SLX4: variants seen among roughly 807,000 people sequenced by gnomAD.
SLX4 encodes SLX4 structure-specific endonuclease subunit, also known as structure-specific endonuclease subunit SLX4.
In SLX4, 112 loss-of-function variants were observed where a neutral mutation model predicts 146.2. The ratio of observed to expected loss-of-function variants is 0.77; its 90% CI spans 0.66 to 0.90. The LOEUF (loss-of-function observed/expected upper bound fraction) is 0.90. SLX4 is among the 40% of genes least tolerant of loss of function. The pLI is 0.00. For synonymous variants in SLX4, 1,061 were observed against 997.7 expected (o/e 1.06, Z -1.20); for missense variants, 2,563 against 2,392.7 (o/e 1.07, Z -1.49).
At chr16:3,591,746 A>C (rs1262854089) in intron 11 of SLX4, among the ~76,000 whole-genome samples, 1 of 152,154 alleles carries the variant, frequency 6.6e-6, no homozygotes, top group Non-Finnish European at 1.5e-5. Context: ...CAACATAGAA[A>C]GTCTCCATCT....
At chr16:3,591,360 T>C (rs769579768) in intron 11 of SLX4, 50 bp from the exon 12 acceptor site, 10 of 1,602,074 alleles carry the variant, frequency 6.2e-6, no homozygotes, top group Non-Finnish European at 8.5e-6. Context: ...GGAGATGGGC[T>C]CTGGGTGCCC....
chr16:3,602,224 A>G lies in SLX4; in HGVS notation c.844T>C (p.Ser282Pro). Reference sequence around the variant, plus strand: ...TCCTCCAGGCTATCATCATGTGCCGATGCTCCTACCCGTGCAAACTCCTGC... The same window carrying G: ...TCCTCCAGGCTATCATCATGTGCCGGTGCTCCTACCCGTGCAAACTCCTGC... ...LQQEFARVGA[S>P]AHDDSLEEKG... The change falls in exon 4 of 15, where the codon TCG (serine) becomes CCG (proline). Residue 282 changes from serine to proline, a missense_variant. By Grantham distance (74) the Ser-to-Pro change is moderately conservative. Coordinates refer to ENST00000294008, the MANE Select transcript of SLX4 (RefSeq NM_032444.4). 6.2e-7 allele frequency: 1 copy of G among 1,614,138 alleles called. No individual in the cohort carries two copies. The highest frequency in any genetic ancestry group is 1.1e-5 in the South Asian group (1 of 91,082).
chr16:3,596,876 G>A (rs947325492), intron 7 of SLX4, among the ~76,000 whole-genome samples: 1 of 150,848 alleles, frequency 6.6e-6, no homozygotes, highest in African/African-American at 2.4e-5. Context: ...AGGCTGGAGT[G>A]TAATGGCACG....
At position 3,601,162 on chromosome 16, in the gene SLX4, C is replaced by G; in HGVS notation, c.980G>C (p.Arg327Thr). Residue 327 changes from arginine (R) to threonine (T), a missense_variant, in exon 5 of 15, where the codon AGA becomes ACA. Physicochemically the swap from Arg to Thr is moderately conservative, Grantham distance 71. Transcript: ENST00000294008. ...RCLDEAEKTL[R>T]PSVPQIPECP... ...CTCAGGGATCTGAGGCACAGAAGGTCTTAGTGTCTTTTCAGCTTCATCCAA... is the reference window on the plus strand; with the variant it reads ...CTCAGGGATCTGAGGCACAGAAGGTGTTAGTGTCTTTTCAGCTTCATCCAA... 6.2e-7 allele frequency: 1 copy of G among 1,614,058 alleles called. No individual in the cohort carries two copies. Among genetic ancestry groups the G allele is most frequent in the Non-Finnish European group, 8.5e-7 (1 of 1,180,030 alleles).
In SLX4 at chr16:3,589,346, T is replaced by C. The variant is rs2151121631; in HGVS notation, c.4292A>G (p.Glu1431Gly). The change falls in exon 12 of 15, where the codon GAG becomes GGG. Residue 1431 changes from glutamate to glycine, a missense_variant. Transcript: ENST00000294008. This position sits in a 1 kb window ranked among gnomAD's most constrained non-coding sequence, Gnocchi z 6.2. ...IPIDDCCWHM[E>G]PLSPIPIDHW... is the part of the protein sequence containing the mutation. ...GTCAATGGGAATTGGCGAGAGGGGC[T>C]CCATGTGCCAGCAGCAGTCGTCAAT... is the stretch of plus-strand genomic sequence containing the variant. 1 of 1,579,280 alleles carries C rather than the reference T, an allele frequency of 6.3e-7. No individual in the cohort carries two copies. Among genetic ancestry groups the C allele is most frequent in the South Asian group, 1.2e-5 (1 of 86,662 alleles).
chr16:3,589,607 G>A lies in SLX4; in HGVS notation c.4031C>T (p.Ser1344Phe). The change falls in exon 12 of 15, where the codon TCC becomes TTC. Residue 1344 changes from serine (S) to phenylalanine (F), a missense_variant. Coordinates refer to ENST00000294008, the MANE Select transcript of SLX4 (RefSeq NM_032444.4). This position sits in a 1 kb window ranked among gnomAD's most constrained non-coding sequence, Gnocchi z 6.2. ...DGRRQGHRSP[S>F]RPHPGGHPHS... is the part of the protein sequence containing the mutation. ...CGGGTGGCCCCCGGGGTGGGGACGG[G>A]AAGGGCTTCTGTGGCCTTGCCTTCT... 6.2e-7 allele frequency: 1 copy of A among 1,613,876 alleles called. No homozygotes were observed. The highest frequency in any genetic ancestry group is 8.5e-7 in the Non-Finnish European group (1 of 1,180,010).
chr16:3,596,007 T>C, intron 8 of SLX4, 146 bp downstream of exon 8: 1 of 1,283,416 alleles, frequency 7.8e-7, no homozygotes, highest in Admixed American at 2.8e-5. Context: ...TGAGAAAAAA[T>C]GAAAGCGCCC....
chr16:3,603,397 G>A (rs2040749328), intron 3 of SLX4, among the ~76,000 whole-genome samples: 1 of 152,232 alleles, frequency 6.6e-6, no homozygotes, highest in Non-Finnish European at 1.5e-5. Flanking sequence ...CACTTGCTGG[G>A]TGTGATGTGA....
In SLX4 at chr16:3,589,408, G is replaced by C. The variant is rs138125792; in HGVS notation, c.4230C>G (p.Asn1410Lys). The change falls in exon 12 of 15, where the codon AAC becomes AAG. Residue 1410 changes from asparagine to lysine, a missense_variant. Transcript: ENST00000294008. This position sits in a 1 kb window ranked among gnomAD's most constrained non-coding sequence, Gnocchi z 6.2. ...DEQEVASHQA[N>K]RSPPLDSDPP... Reference sequence around the variant, plus strand: ...GGTCACTGTCCAGTGGGGGGCTTCTGTTGGCCTGATGGGAGGCCACCTCCT... The same window carrying C: ...GGTCACTGTCCAGTGGGGGGCTTCTCTTGGCCTGATGGGAGGCCACCTCCT... The C allele has an allele frequency of 3.1e-6, 5 of 1,601,604 alleles. No homozygotes were observed. Among genetic ancestry groups the C allele is most frequent in the Non-Finnish European group, 4.3e-6 (5 of 1,171,004 alleles).
chr16:3,593,661 A>C (rs1043410989), intron 10 of SLX4, among the ~76,000 whole-genome samples: 1 of 152,190 alleles, frequency 6.6e-6, no homozygotes, highest in African/African-American at 2.4e-5. Context: ...GACCCCGTTA[A>C]GAGTCCTCCT....
At position 3,601,164 on chromosome 16, in the gene SLX4, T is replaced by TA; in HGVS notation, c.977dup (p.Arg327LysfsTer9). ...CAGGGATCTGAGGCACAGAAGGTCTTAGTGTCTTTTCAGCTTCATCCAAGC... is the reference window on the plus strand; with the variant it reads ...CAGGGATCTGAGGCACAGAAGGTCTTAAGTGTCTTTTCAGCTTCATCCAAGC... On this transcript the variant is annotated frameshift_variant, in exon 5 of 15. Transcript: ENST00000294008. LOFTEE classifies it high-confidence loss of function. 3 of 1,614,062 alleles carry TA rather than the reference T, an allele frequency of 1.9e-6. No homozygotes were observed. The highest frequency in any genetic ancestry group is 2.2e-5 in the East Asian group (1 of 44,860).
At chr16:3,596,972 G>A (rs1036474984) in intron 7 of SLX4, among the ~76,000 whole-genome samples, 3 of 152,102 alleles carry the variant, frequency 2.0e-5, no homozygotes, top group African/African-American at 7.2e-5. Context: ...ACAGGTGTGT[G>A]CCACCATGCC....
Position 3,589,957 on chromosome 16 carries a change from G to GCC in SLX4, c.3679_3680dup (p.Ser1228AlafsTer61). ...AGGGAGCCCCTCTCCTGCCCAAAGAGCCCCGATTCTCCGGCAGCGCCCCCT... is the reference window on the plus strand; with the variant it reads ...AGGGAGCCCCTCTCCTGCCCAAAGAGCCCCCCGATTCTCCGGCAGCGCCCCCT... On this transcript the variant is annotated frameshift_variant, in exon 12 of 15. Transcript: ENST00000294008. LOFTEE classifies it high-confidence loss of function. The surrounding 1 kb of genome is among the most constrained non-coding windows in gnomAD (Gnocchi z 6.2). 1 of 1,613,810 alleles carries GCC rather than the reference G, an allele frequency of 6.2e-7. No homozygotes were observed. Among genetic ancestry groups the GCC allele is most frequent in the East Asian group, 2.2e-5 (1 of 44,826 alleles).
rs574967382 is a variant in SLX4, at chr16:3,594,308, A to G, written c.2160+145T>C. 7.9e-5 allele frequency: 91 copies of G among 1,148,894 alleles called. 1 individual carries two copies. The South Asian group carries it at 1.2e-3, about 15-fold the overall frequency. The allele number at this position is 1,148,894 out of a possible 1,614,324, so 71.2% of individuals were successfully genotyped here. On this transcript the variant is annotated intron_variant, in intron 10 of 14. Coordinates refer to ENST00000294008, the MANE Select transcript of SLX4 (RefSeq NM_032444.4). ...GCAGAAACGGATGGTTGGGAGGGAG[A>G]AGGTGAGAACATGGTGGGGCAGGAA...
rs890804242 is a variant in SLX4 at position 3,609,233 on chromosome 16, C to G, written c.-269G>C. The G allele has an allele frequency of 2.6e-6, 1 of 385,500 alleles. No homozygotes were observed. Among genetic ancestry groups the G allele is most frequent in the Non-Finnish European group, 4.9e-6 (1 of 203,844 alleles). 23.9% of individuals were successfully genotyped at this position (385,500 alleles called of 1,614,324 possible). Reference sequence around the variant, plus strand: ...ACCAGCCTGGCCAATATGGTGAAACCTCGTTTCAACTGAAAATACAAAAAA... The same window carrying G: ...ACCAGCCTGGCCAATATGGTGAAACGTCGTTTCAACTGAAAATACAAAAAA... On this transcript the variant is annotated 5_prime_UTR_variant, in exon 2 of 15. Transcript: ENST00000294008.
intron 13 of SLX4, among the ~76,000 whole-genome samples, chr16:3,583,900 G>A (rs890938411): frequency 2.0e-5 from 3 of 152,124 alleles, no homozygotes; most frequent in African/African-American, 7.2e-5. Flanking sequence ...TACTAGGGAG[G>A]ATGAGGTAGG....
At chr16:3,594,337 A>G in intron 10 of SLX4, 116 bp downstream of exon 10, 1 of 1,388,378 alleles carries the variant, frequency 7.2e-7, no homozygotes, top group Non-Finnish European at 9.9e-7. Flanking sequence ...GCAGGAAGTG[A>G]GGGAGAGTGG....
chr16:3,605,992 G>A (rs2040778114), intron 3 of SLX4, among the ~76,000 whole-genome samples: 1 of 148,944 alleles, frequency 6.7e-6, no homozygotes, highest in Admixed American at 6.7e-5. Flanking sequence ...AGGTGCAATG[G>A]TTCACGCCTG....
At position 3,589,471 on chromosome 16, in the gene SLX4, C is replaced by T. The variant is rs541433695; in HGVS notation, c.4167G>A (p.Ala1389=). 15 of 1,608,628 alleles carry T rather than the reference C, an allele frequency of 9.3e-6. No homozygotes were observed. Among genetic ancestry groups the T allele is most frequent in the Middle Eastern group, 1.7e-4 (1 of 6,046 alleles). ...PGPSFLNQTP[A]GEVVEVGDSD... ...TGTCTCCGACTTCCACCACTTCACC[C>T]GCTGGGGTCTGGTTCAGGAAGCTTG... is the stretch of plus-strand genomic sequence containing the variant. The change falls in exon 12 of 15, where the codon GCG becomes GCA. Residue 1389 remains alanine, a synonymous_variant. Transcript: ENST00000294008. This position sits in a 1 kb window ranked among gnomAD's most constrained non-coding sequence, Gnocchi z 6.2.
Sources: gnomAD v4.1 joint callset for allele counts (sites outside exome capture counted in the v4.1 genomes callset) on GRCh38, gnomAD v4.1.1 for gene constraint, Gnocchi (gnomAD v3.1) non-coding constraint, MANE v1.5 for transcripts, NCBI Gene and HGNC (gene_info 2026-07-23, HGNC 2026-07-21) for gene names.